Variants in TASP1 observed in about 807,000 individuals in gnomAD.
TASP1 encodes threonine aspartase 1.
TASP1 carries 16 observed loss-of-function variants against 56.6 expected under a neutral mutation model. That is an observed-to-expected ratio of 0.28 (90% confidence interval 0.19 to 0.43). The LOEUF (loss-of-function observed/expected upper bound fraction) is 0.43. TASP1 is among the 20% of genes least tolerant of loss of function. TASP1 has a pLI of 1.00. For missense variants in TASP1, 393 were observed against 511.6 expected (o/e 0.77, Z 2.24); for synonymous variants, 179 against 184.2 (o/e 0.97, Z 0.23).
intron 11 of TASP1, among the ~76,000 whole-genome samples, chr20:13,457,922 C>T (rs187261851): frequency 1.8e-3 from 276 of 152,282 alleles, no homozygotes; most frequent in Middle Eastern, 3.4e-3. Context: ...ACAGAATTGC[C>T]TGACAGTGTA....
the TASP1 span, among the ~76,000 whole-genome samples, chr20:13,309,432 C>G: frequency 6.6e-6 from 1 of 152,062 alleles, no homozygotes; most frequent in East Asian, 1.9e-4. Context: ...TCAACACAAT[C>G]AAGACCATAT....
chr20:13,160,219 T>C, the TASP1 span: 1 of 1,454,854 alleles, frequency 6.9e-7, no homozygotes, highest in East Asian at 2.4e-5. Flanking sequence ...TGGGGTTCTC[T>C]GGGTTTCTCT....
At chr20:13,481,812 C>A (rs993278256) in intron 11 of TASP1, among the ~76,000 whole-genome samples, 1 of 151,018 alleles carries the variant, frequency 6.6e-6, no homozygotes, top group African/African-American at 2.4e-5. Flanking sequence ...CTTATATATT[C>A]TGGTTATTAA....
intron 4 of TASP1, among the ~76,000 whole-genome samples, chr20:13,601,331 G>A (rs577725817): frequency 9.0e-4 from 137 of 152,018 alleles, no homozygotes; most frequent in Non-Finnish European, 1.6e-3. Context: ...CAGAAAGGAA[G>A]TGTTCAAAAA....
chr20:13,292,727 T>C, the TASP1 span, among the ~76,000 whole-genome samples: 2 of 152,130 alleles, frequency 1.3e-5, no homozygotes, highest in Non-Finnish European at 2.9e-5. Context: ...GACCTGTCTC[T>C]CAGCACAGAA....
chr20:13,279,602 A>G, the TASP1 span: 1 of 1,593,416 alleles, frequency 6.3e-7, no homozygotes, highest in Non-Finnish European at 8.6e-7. Context: ...TGTTGACTCC[A>G]CACTGACCCC....
chr20:13,545,870 A>G (rs1249653384), intron 8 of TASP1, among the ~76,000 whole-genome samples: 1 of 152,174 alleles, frequency 6.6e-6, no homozygotes, highest in Non-Finnish European at 1.5e-5. Flanking sequence ...CTTTCTACCC[A>G]GACATATAAG....
chr20:13,155,832 T>A, the TASP1 span, among the ~76,000 whole-genome samples: 3 of 151,928 alleles, frequency 2.0e-5, no homozygotes, highest in African/African-American at 7.3e-5. Context: ...TCTAAAAAAA[T>A]AATAATAATA....
chr20:13,615,627 C>A (rs932486605), intron 4 of TASP1, among the ~76,000 whole-genome samples: 6 of 151,450 alleles, frequency 4.0e-5, no homozygotes, highest in African/African-American at 1.5e-4. Context: ...GCCTCAGCCT[C>A]CCGAGTAGCT....
At chr20:13,351,686 G>C in the TASP1 span, among the ~76,000 whole-genome samples, 1 of 152,170 alleles carries the variant, frequency 6.6e-6, no homozygotes, top group Non-Finnish European at 1.5e-5. Context: ...TGTTGGAACT[G>C]TCTGTACTAT....
chr20:13,299,383 A>G, the TASP1 span: 1 of 1,613,612 alleles, frequency 6.2e-7, no homozygotes, highest in East Asian at 2.2e-5. This position sits in a 1 kb window ranked among gnomAD's most constrained non-coding sequence, Gnocchi z 5.8. Context: ...CGGCCTCCCA[A>G]CAACGGACAG....
chr20:13,482,843 T>C (rs1239901968), intron 11 of TASP1, among the ~76,000 whole-genome samples: 2 of 152,216 alleles, frequency 1.3e-5, no homozygotes, highest in South Asian at 4.1e-4. Context: ...GAGGAAATAG[T>C]ACATGAATAT....
the TASP1 span, among the ~76,000 whole-genome samples, chr20:13,122,693 G>A: frequency 6.6e-6 from 1 of 152,184 alleles, no homozygotes; most frequent in Admixed American, 6.5e-5. Flanking sequence ...TGGAACCTCA[G>A]GCCACCAGGG....
chr20:13,586,893 G>C (rs575456750), intron 5 of TASP1, among the ~76,000 whole-genome samples: 1 of 151,852 alleles, frequency 6.6e-6, no homozygotes, highest in East Asian at 1.9e-4. Flanking sequence ...TAAACCCCAC[G>C]GGGAAAGGAA....
rs71334133 is a variant in TASP1 at position 13,580,985 on chromosome 20, TAA to T, written c.404-6_404-5del. 1,719 of 1,458,822 alleles carry T rather than the reference TAA, an allele frequency of 1.2e-3. No individual in the cohort carries two copies. Among genetic ancestry groups the T allele is most frequent in the South Asian group, 3.1e-3 (243 of 77,270 alleles). The allele number at this position is 1,458,822 out of a possible 1,614,324, so 90.4% of individuals were successfully genotyped here. On this transcript the variant is annotated splice_region_variant and splice_polypyrimidine_tract_variant and intron_variant, in intron 5 of 13. Transcript: ENST00000337743. Reference sequence around the variant, plus strand: ...ACCGAGACTGGGTTCTTGATTCCTATAAAAAAAAAAAAAAAATTGGCAAAAAA... The same window carrying T: ...ACCGAGACTGGGTTCTTGATTCCTATAAAAAAAAAAAAAATTGGCAAAAAA...
intron 11 of TASP1, among the ~76,000 whole-genome samples, chr20:13,449,560 T>C (rs114560445): frequency 0.037 from 5,671 of 152,230 alleles, 133 homozygotes; most frequent in African/African-American, 0.058. Context: ...TAAATAAATC[T>C]ATTTTATTGT....
At chr20:13,579,425 G>C (rs2047038888) in intron 6 of TASP1, among the ~76,000 whole-genome samples, 1 of 151,638 alleles carries the variant, frequency 6.6e-6, no homozygotes, top group African/African-American at 2.4e-5. Context: ...CTAGAGTGAA[G>C]TGGCGCGATC....
chr20:13,600,700 G>A, intron 4 of TASP1: 1 of 151,686 alleles, frequency 6.6e-6, no homozygotes, highest in East Asian at 1.9e-4. Context: ...TATTATACAA[G>A]AAAAAATAAT....
chr20:13,505,531 A>C (rs2044098298), intron 10 of TASP1, among the ~76,000 whole-genome samples: 1 of 152,084 alleles, frequency 6.6e-6, no homozygotes, highest in Non-Finnish European at 1.5e-5. Flanking sequence ...CCACAAAAAA[A>C]CTCTTAACAA....
Sources: allele counts gnomAD v4.1 joint callset (sites outside exome capture counted in the v4.1 genomes callset), GRCh38; gene constraint gnomAD v4.1.1; non-coding constraint Gnocchi (gnomAD v3.1); transcripts MANE v1.5; gene names NCBI Gene and HGNC (gene_info 2026-07-23, HGNC 2026-07-21).